Variants in HLA-DPA1 observed in about 807,000 individuals in gnomAD.
HLA-DPA1 encodes major histocompatibility complex, class II, DP alpha 1, also known as HLA class II histocompatibility antigen, DP alpha 1 chain.
Under a neutral mutation model 21.5 loss-of-function variants are expected in HLA-DPA1, and 20 were observed. The observed-to-expected ratio is 0.93, with a 90% CI of 0.66 to 1.35. The LOEUF (loss-of-function observed/expected upper bound fraction) is 1.35. HLA-DPA1 is among the 40% of genes most tolerant of loss of function. HLA-DPA1 has a pLI of 0.00. For missense variants in HLA-DPA1, 279 were observed against 323.0 expected (o/e 0.86, Z 1.05); for synonymous variants, 123 against 129.6 (o/e 0.95, Z 0.35).
At position 33,078,831 on chromosome 6, in the gene HLA-DPA1, A is replaced by G. The variant is rs531858567; in HGVS notation, c.-100+1849T>C. Among the ~76,000 whole-genome samples, 7 of 152,316 alleles carry G rather than the reference A, an allele frequency of 4.6e-5. No individual in the cohort carries two copies. The South Asian group carries it at 6.2e-4, about 14-fold the overall frequency. On this transcript the variant is annotated intron_variant, in intron 1 of 5. Coordinates refer to ENST00000419277, the Ensembl canonical transcript of HLA-DPA1. Reference sequence around the variant, plus strand: ...GTTCTCTTACTGGTGATTGAGGAGGAGAAACAAAGACTAACAAATGAAAAT... The same window carrying G: ...GTTCTCTTACTGGTGATTGAGGAGGGGAAACAAAGACTAACAAATGAAAAT...
intron 1 of HLA-DPA1, among the ~76,000 whole-genome samples, chr6:33,076,993 A>G (rs568204871): frequency 6.6e-5 from 10 of 152,028 alleles, no homozygotes; most frequent in African/African-American, 2.2e-4. Context: ...ATATGTATAC[A>G]TGTGCCATGT....
chr6:33,079,790 A>G, intron 1 of HLA-DPA1: 1 of 476,086 alleles, frequency 2.1e-6, no homozygotes, highest in South Asian at 1.6e-5. Context: ...GTCATCATGG[A>G]AAGAGTCACC....
intron 1 of HLA-DPA1, among the ~76,000 whole-genome samples, chr6:33,077,264 G>A (rs3128958): frequency 0.017 from 2,574 of 151,968 alleles, 68 homozygotes; most frequent in African/African-American, 0.059. Flanking sequence ...CTTTTTTATG[G>A]CTGCACAGTA....
At chr6:33,075,809 T>G (rs1762507363) in intron 1 of HLA-DPA1, 2 of 529,202 alleles carry the variant, frequency 3.8e-6, no homozygotes, top group Non-Finnish European at 3.3e-6. Flanking sequence ...TCATCTTAAG[T>G]GCATCACAGG....
At chr6:33,077,367 C>A (rs1024369254) in intron 1 of HLA-DPA1, among the ~76,000 whole-genome samples, 3 of 151,996 alleles carry the variant, frequency 2.0e-5, no homozygotes, top group South Asian at 2.1e-4. Context: ...TGAATAGTGC[C>A]GCAATAAACA....
rs532563735 is a variant in HLA-DPA1, at chr6:33,068,873, G to A, written c.629-69C>T. 2.5e-6 allele frequency: 4 copies of A among 1,569,844 alleles called. No homozygotes were observed. The African/African-American group carries it at 5.4e-5, about 21-fold the overall frequency. On this transcript the variant is annotated intron_variant, in intron 4 of 5. Transcript: ENST00000419277. Reference sequence around the variant, plus strand: ...GTGGTGATGGCCTGGGATGGTTGTGGGAATTGAAGGTTATGGACCAGTTAA... The same window carrying A: ...GTGGTGATGGCCTGGGATGGTTGTGAGAATTGAAGGTTATGGACCAGTTAA...
At position 33,068,526 on chromosome 6, in the gene HLA-DPA1, T is replaced by C. The variant is rs137899550; in HGVS notation, c.*12+112A>G. 7,449 of 801,952 alleles carry C rather than the reference T, an allele frequency of 9.3e-3. 94 individuals are homozygous for C. Among genetic ancestry groups the C allele is most frequent in the South Asian group, 0.04 (2,163 of 54,084 alleles). 49.7% of individuals were successfully genotyped at this position (801,952 alleles called of 1,614,324 possible). On this transcript the variant is annotated intron_variant, in intron 5 of 5. Coordinates refer to ENST00000419277, the Ensembl canonical transcript of HLA-DPA1. The stretch of plus-strand genomic sequence containing the variant: ...TTAGTTATCGGTGTTGTTGTTGTTA[T>C]GTGGCTGAATGCTTTTAACCCATTA...
intron 2 of HLA-DPA1, among the ~76,000 whole-genome samples, chr6:33,070,776 G>T (rs1429883184): frequency 6.6e-6 from 1 of 152,108 alleles, no homozygotes; most frequent in African/African-American, 2.4e-5. Flanking sequence ...TGACTTGGGG[G>T]TTTAGTGTAC....
chr6:33,071,638 G>A lies in HLA-DPA1; in HGVS notation c.101-1752C>T, dbSNP rs533801729. 2.3e-3 allele frequency among the ~76,000 whole-genome samples: 350 copies of A among 151,992 alleles called. 1 individual carries two copies. The highest frequency in any genetic ancestry group is 0.02 in the East Asian group (102 of 5,138). ...TACATACGTCCTGTTCTGCAGACGC[G>A]TATAAGTCACAGAAGGAAACACAAG... On this transcript the variant is annotated intron_variant, in intron 2 of 5. Coordinates refer to ENST00000419277, the Ensembl canonical transcript of HLA-DPA1.
At chr6:33,073,696 A>G in intron 1 of HLA-DPA1, 47 bp from the exon 1 acceptor site, 1 of 659,240 alleles carries the variant, frequency 1.5e-6, no homozygotes, top group African/African-American at 1.8e-5. Flanking sequence ...AGGAATCAGC[A>G]TGGCTGGGAT....
At chr6:33,069,361 T>A (rs941802691) in intron 3 of HLA-DPA1, 61 bp from the exon 3 acceptor site, 54 of 1,511,976 alleles carry the variant, frequency 3.6e-5, no homozygotes, top group Middle Eastern at 1.7e-4. Flanking sequence ...AGGCTCCACC[T>A]CTTAGGGGAG....
intron 2 of HLA-DPA1, among the ~76,000 whole-genome samples, chr6:33,072,408 G>GACAAGGAACC (rs5875435): frequency 0.096 from 14,550 of 152,192 alleles, 1,683 homozygotes; most frequent in East Asian, 0.58. Flanking sequence ...AATGTTAAGA[G>GACAAGGAACC]ACTGGGCAGG....
Position 33,080,682 on chromosome 6 carries a change from T to G in HLA-DPA1, c.-102A>C, listed in dbSNP as rs1126506. On this transcript the variant is annotated splice_region_variant and 5_prime_UTR_variant, in exon 1 of 6. Coordinates refer to ENST00000419277, the Ensembl canonical transcript of HLA-DPA1. The surrounding 1 kb of genome is among the most constrained non-coding windows in gnomAD (Gnocchi z 4.3). ...GCCCCCTCCCCGCAGAGAATTACCT[T>G]TTCCAGGGACGGCAGGAATGCTACG... 466,050 of 1,601,892 alleles carry G rather than the reference T, an allele frequency of 0.29. 74,294 individuals are homozygous for G. The highest frequency in any genetic ancestry group is 0.62 in the African/African-American group (46,140 of 74,698).
chr6:33,075,935 G>C, intron 1 of HLA-DPA1: 2 of 770,052 alleles, frequency 2.6e-6, no homozygotes, highest in Non-Finnish European at 2.1e-6. Flanking sequence ...GGTCACAGAA[G>C]ACTACTTGGG....
intron 2 of HLA-DPA1, 119 bp downstream of exon 1, chr6:33,073,352 T>C (rs1457662727): frequency 1.1e-5 from 8 of 695,984 alleles, no homozygotes; most frequent in Non-Finnish European, 2.0e-5. Flanking sequence ...AGAGGGAACA[T>C]AGACTATGAG....
At chr6:33,071,054 G>A (rs1387909518) in intron 2 of HLA-DPA1, among the ~76,000 whole-genome samples, 1 of 151,684 alleles carries the variant, frequency 6.6e-6, no homozygotes, top group Non-Finnish European at 1.5e-5. Context: ...AAGGAACTAC[G>A]GGACTCTTCT....
At position 33,080,602 on chromosome 6, in the gene HLA-DPA1, TGAGA is replaced by T. The variant is rs1762785836; in HGVS notation, c.-100+74_-100+77del. 6.3e-7 allele frequency: 1 copy of T among 1,593,936 alleles called. No homozygotes were observed. The highest frequency in any genetic ancestry group is 1.3e-5 in the African/African-American group (1 of 74,314). On this transcript the variant is annotated intron_variant, in intron 1 of 5. Transcript: ENST00000419277. This position sits in a 1 kb window ranked among gnomAD's most constrained non-coding sequence, Gnocchi z 4.3. ...AAGATTTGGGAAGAATCGTTAATAT[TGAGA>T]GAGAGAGGGAGAAAGAGGATTAGAT...
chr6:33,068,752 G>A (rs747632169), exon 5 of HLA-DPA1: 2 of 1,612,970 alleles, frequency 1.2e-6, no homozygotes, highest in Non-Finnish European at 1.7e-6. Flanking sequence ...CCAGGCCCAG[G>A]GCACAGAGCA....
chr6:33,070,571 T>G (rs1368657591), intron 2 of HLA-DPA1, among the ~76,000 whole-genome samples: 1 of 152,214 alleles, frequency 6.6e-6, no homozygotes, highest in Non-Finnish European at 1.5e-5. Context: ...AAAGTTTCTG[T>G]CTTAGTTTAT....
Sources: allele counts gnomAD v4.1 joint callset (sites outside exome capture counted in the v4.1 genomes callset), GRCh38; gene constraint gnomAD v4.1.1; non-coding constraint Gnocchi (gnomAD v3.1); transcripts MANE v1.5; gene names NCBI Gene and HGNC (gene_info 2026-07-23, HGNC 2026-07-21).